The following FARP1 variants were observed in gnomAD, a reference collection of about 807,000 sequenced individuals.
FARP1 encodes FERM, ARH/RhoGEF and pleckstrin domain protein 1, also known as FERM, ARHGEF and pleckstrin domain-containing protein 1.
FARP1 carries 52 observed loss-of-function variants against 128.8 expected under a neutral mutation model. The ratio of observed to expected loss-of-function variants is 0.40; its 90% CI spans 0.32 to 0.51. The LOEUF (loss-of-function observed/expected upper bound fraction) is 0.51. Among genes scored for constraint, FARP1 ranks in the 20% least tolerant of loss-of-function variants. FARP1 has a pLI of 0.45. For missense variants in FARP1, 1,333 were observed against 1,367.9 expected, an observed-to-expected ratio of 0.97 and a Z score of 0.40; for synonymous variants, 580 against 551.8, an observed-to-expected ratio of 1.05 and a Z score of -0.72.
intron 2 of FARP1, among the ~76,000 whole-genome samples, chr13:98,330,935 T>TAGA (rs1887482237): frequency 1.3e-5 from 2 of 152,172 alleles, no homozygotes; most frequent in Non-Finnish European, 2.9e-5. Context: ...CATGAGTGCT[T>TAGA]AGAAGTTTTC....
At chr13:98,309,923 G>GT (rs1436893184) in intron 2 of FARP1, among the ~76,000 whole-genome samples, 1 of 152,114 alleles carries the variant, frequency 6.6e-6, no homozygotes, top group East Asian at 1.9e-4. Context: ...TGTAATCCTG[G>GT]TCTTCAGAAG....
chr13:98,168,830 G>C (rs1362369470), intron 1 of FARP1, among the ~76,000 whole-genome samples: 1 of 152,190 alleles, frequency 6.6e-6, no homozygotes, highest in Non-Finnish European at 1.5e-5. Flanking sequence ...TTAAGAAGTA[G>C]TTGAAATGTT....
intron 16 of FARP1, among the ~76,000 whole-genome samples, chr13:98,423,908 A>G (rs1161593376): frequency 1.3e-5 from 2 of 152,214 alleles, no homozygotes; most frequent in East Asian, 3.8e-4. Flanking sequence ...AAGTGCCCAC[A>G]GCTTTGCTGT....
At chr13:98,293,957 C>T (rs76771309) in intron 2 of FARP1, among the ~76,000 whole-genome samples, 2,304 of 152,256 alleles carry the variant, frequency 0.015, 59 homozygotes, top group African/African-American at 0.052. Context: ...TGTGAGGATG[C>T]CTCAAGAGAT....
chr13:98,273,928 A>T (rs1226360164), intron 2 of FARP1, among the ~76,000 whole-genome samples: 38 of 152,198 alleles, frequency 2.5e-4, no homozygotes, highest in Admixed American at 2.5e-3. Flanking sequence ...GATGGCGGTC[A>T]ATGACAGACT....
chr13:98,247,813 G>T (rs766599272), intron 2 of FARP1, among the ~76,000 whole-genome samples: 4 of 152,170 alleles, frequency 2.6e-5, no homozygotes, highest in Non-Finnish European at 5.9e-5. Flanking sequence ...GATGTCCGCA[G>T]CATCCAGAAG....
At chr13:98,368,217 T>C (rs1212048246) in intron 5 of FARP1, 22 bp downstream of exon 5, 2 of 1,567,462 alleles carry the variant, frequency 1.3e-6, no homozygotes, top group Non-Finnish European at 1.8e-6. Context: ...GGAAACTGTG[T>C]ATTTTTTGCT....
At chr13:98,251,516 C>T (rs1355382235) in intron 2 of FARP1, among the ~76,000 whole-genome samples, 3 of 152,010 alleles carry the variant, frequency 2.0e-5, no homozygotes, top group Admixed American at 6.6e-5. Context: ...AACCCCACCT[C>T]TACTAAAAAT....
chr13:98,446,296 C>T lies in FARP1; in HGVS notation c.2904+91C>T, dbSNP rs904058198. ...CGCCCTCCTCTGGAATGACTCAGGC[C>T]TCTTGGGCTCCAGGTGTCACGGGGA... On this transcript the variant is annotated intron_variant, in intron 25 of 26. Transcript: ENST00000319562. 1.9e-5 allele frequency: 15 copies of T among 798,914 alleles called. No homozygotes were observed. In the African/African-American group the frequency reaches 2.4e-4, roughly 13 times the overall value. 49.5% of individuals were successfully genotyped at this position (798,914 alleles called of 1,614,324 possible).
rs200140369 is a variant in FARP1 at position 98,439,113 on chromosome 13, G to A, written c.2350G>A (p.Asp784Asn). Residue 784 changes from aspartate to asparagine, a missense_variant, in exon 21 of 27, where the codon GAC (aspartate) becomes AAC (asparagine). Around this residue, in one of 2 missense-constraint regions of FARP1, gnomAD observed 1,009 missense variants for 969.8 expected, o/e 1.04. Transcript: ENST00000319562. ...ACACTTCTGATTCCTCCAGTTCAAC[G>A]ACGTCCTGCTATACACGAGCCGGGG... ...LQQRMFFLFN[D>N]VLLYTSRGLT... 5.6e-6 allele frequency: 9 copies of A among 1,613,406 alleles called. No homozygotes were observed. Among genetic ancestry groups the A allele is most frequent in the East Asian group, 4.5e-5 (2 of 44,884 alleles).
chr13:98,184,186 C>T (rs1395527478), intron 1 of FARP1, among the ~76,000 whole-genome samples: 1 of 150,170 alleles, frequency 6.7e-6, no homozygotes, highest in Non-Finnish European at 1.5e-5. Context: ...GGTGAGATCT[C>T]GGCTCACTGC....
intron 17 of FARP1, among the ~76,000 whole-genome samples, chr13:98,426,091 C>G (rs902685126): frequency 6.6e-6 from 1 of 152,162 alleles, no homozygotes; most frequent in Admixed American, 6.5e-5. Flanking sequence ...AACTGAGCAC[C>G]TACTATACAC....
chr13:98,260,542 C>T (rs1566805014), intron 2 of FARP1, among the ~76,000 whole-genome samples: 1 of 152,204 alleles, frequency 6.6e-6, no homozygotes, highest in Non-Finnish European at 1.5e-5. Flanking sequence ...CAATCCAGCT[C>T]AACTCTGGGC....
At chr13:98,427,381 A>G (rs1422371337) in intron 17 of FARP1, among the ~76,000 whole-genome samples, 1 of 151,868 alleles carries the variant, frequency 6.6e-6, no homozygotes, top group African/African-American at 2.4e-5. Context: ...CCCTCGTTTC[A>G]CATGCTCTGT....
At chr13:98,296,205 C>G (rs1399596305) in intron 2 of FARP1, among the ~76,000 whole-genome samples, 1 of 152,182 alleles carries the variant, frequency 6.6e-6, no homozygotes, top group Admixed American at 6.5e-5. Flanking sequence ...TCTATAAACT[C>G]CCATTATCAA....
chr13:98,333,718 C>G (rs2038866496), intron 2 of FARP1: 1 of 152,124 alleles, frequency 6.6e-6, no homozygotes, highest in African/African-American at 2.4e-5. Flanking sequence ...TGTGGCCGCC[C>G]CTAGAGCCAC....
chr13:98,218,699 T>C (rs1157648716), intron 2 of FARP1, among the ~76,000 whole-genome samples: 1 of 152,178 alleles, frequency 6.6e-6, no homozygotes, highest in Non-Finnish European at 1.5e-5. Flanking sequence ...GCAGGAAATG[T>C]TGTGATTGGC....
chr13:98,328,168 A>C (rs1254272936), intron 2 of FARP1: 1 of 152,208 alleles, frequency 6.6e-6, no homozygotes, highest in Admixed American at 6.5e-5. Flanking sequence ...GGGTGGTGTC[A>C]GTCTGTTGGT....
chr13:98,199,340 C>T (rs1315033956), intron 1 of FARP1, among the ~76,000 whole-genome samples: 1 of 152,148 alleles, frequency 6.6e-6, no homozygotes, highest in Non-Finnish European at 1.5e-5. Flanking sequence ...GAACAGTCAT[C>T]TCTGAGTTAC....
Sources: gnomAD v4.1 joint callset for allele counts (sites outside exome capture counted in the v4.1 genomes callset) on GRCh38, gnomAD v4.1.1 for gene constraint, gnomAD v4.1.1 regional missense constraint, MANE v1.5 for transcripts, NCBI Gene and HGNC (gene_info 2026-07-23, HGNC 2026-07-21) for gene names.